HS6ST3: variants seen among roughly 807,000 people sequenced by gnomAD.
The protein encoded by HS6ST3 is heparan-sulfate 6-O-sulfotransferase 3.
HS6ST3 carries 12 observed loss-of-function variants against 36.7 expected under a neutral mutation model. The ratio of observed to expected loss-of-function variants is 0.33; its 90% CI spans 0.21 to 0.53. The LOEUF is 0.53. HS6ST3 is among the 20% of genes least tolerant of loss of function. The pLI is 0.95. For missense variants in HS6ST3, 584 were observed against 640.9 expected (o/e 0.91, Z 0.96); for synonymous variants, 240 against 257.5 (o/e 0.93, Z 0.65).
chr13:96,151,348 G>A (rs577129804), intron 1 of HS6ST3, among the ~76,000 whole-genome samples: 4 of 151,482 alleles, frequency 2.6e-5, no homozygotes, highest in Non-Finnish European at 4.4e-5. Context: ...AGGTTGCAGT[G>A]AGCTGAGATC....
At chr13:96,368,858 G>C (rs115841680) in intron 1 of HS6ST3, among the ~76,000 whole-genome samples, 1,972 of 152,178 alleles carry the variant, frequency 0.013, 54 homozygotes, top group African/African-American at 0.045. Context: ...GACACATGCC[G>C]ATGTTTATTA....
chr13:96,525,173 AG>A, intron 1 of HS6ST3, among the ~76,000 whole-genome samples: 1 of 152,344 alleles, frequency 6.6e-6, no homozygotes, highest in African/African-American at 2.4e-5. Flanking sequence ...GATAAGAAAT[AG>A]ACTGACACCT....
chr13:96,770,705 T>C (rs1252297355), intron 1 of HS6ST3, among the ~76,000 whole-genome samples: 2 of 152,226 alleles, frequency 1.3e-5, no homozygotes, highest in Non-Finnish European at 2.9e-5. Flanking sequence ...CAGAATTCAA[T>C]AGAAGCATTT....
At chr13:96,126,534 G>A (rs1019788387) in intron 1 of HS6ST3, among the ~76,000 whole-genome samples, 1 of 152,302 alleles carries the variant, frequency 6.6e-6, no homozygotes. Context: ...CAGAAAAGGG[G>A]CTGTCTGCAA....
At chr13:96,270,713 A>G (rs1267075850) in intron 1 of HS6ST3, among the ~76,000 whole-genome samples, 1 of 151,898 alleles carries the variant, frequency 6.6e-6, no homozygotes, top group African/African-American at 2.4e-5. Flanking sequence ...GAGAAAAGAA[A>G]TGCACATATA....
intron 1 of HS6ST3, among the ~76,000 whole-genome samples, chr13:96,111,113 G>A (rs1428363700): frequency 2.0e-5 from 3 of 152,170 alleles, no homozygotes; most frequent in Admixed American, 1.3e-4. Context: ...AGTTGACTGT[G>A]CAGGATCACT....
At chr13:96,577,185 G>A (rs773685056) in intron 1 of HS6ST3, among the ~76,000 whole-genome samples, 2 of 151,924 alleles carry the variant, frequency 1.3e-5, no homozygotes, top group Non-Finnish European at 2.9e-5. Flanking sequence ...CCCCTGACAG[G>A]CCCTGGTGTG....
At position 96,578,442 on chromosome 13, in the gene HS6ST3, C is replaced by T. The variant is rs117233120; in HGVS notation, c.708-254048C>T. ...CTTGACGAAGGCACTGATGAGGGTG[C>T]CCACTACCTGCAGTGTGAGTGGTGG... is the stretch of plus-strand genomic sequence containing the variant. On this transcript the variant is annotated intron_variant, in intron 1 of 1. Coordinates refer to ENST00000376705, the MANE Select transcript of HS6ST3 (RefSeq NM_153456.4). Among the ~76,000 whole-genome samples, 48 of 152,270 alleles carry T rather than the reference C, an allele frequency of 3.2e-4. No individual in the cohort carries two copies. In the East Asian group the frequency reaches 9.3e-3, roughly 29 times the overall value.
chr13:96,411,316 A>T (rs2055506329), intron 1 of HS6ST3, among the ~76,000 whole-genome samples: 1 of 152,188 alleles, frequency 6.6e-6, no homozygotes, highest in Non-Finnish European at 1.5e-5. Context: ...GCTGCAGAGG[A>T]GAGAGCATCA....
At position 96,603,177 on chromosome 13, in the gene HS6ST3, T is replaced by C. The variant is rs950781869; in HGVS notation, c.708-229313T>C. On this transcript the variant is annotated intron_variant, in intron 1 of 1. Transcript: ENST00000376705. ...TACCTGTGTAACAGCCACCTACCTA[T>C]ATTAGGAAAAAGAGCATGACCAGAC... 6.6e-5 allele frequency among the ~76,000 whole-genome samples: 10 copies of C among 152,288 alleles called. No homozygotes were observed. The South Asian group carries it at 2.1e-3, about 32-fold the overall frequency.
chr13:96,704,878 G>A (rs950304279), intron 1 of HS6ST3, among the ~76,000 whole-genome samples: 4 of 152,174 alleles, frequency 2.6e-5, no homozygotes, highest in Non-Finnish European at 5.9e-5. Flanking sequence ...GGATTCCATA[G>A]GGGTGCTATC....
At chr13:96,369,124 C>G (rs1296119334) in intron 1 of HS6ST3, among the ~76,000 whole-genome samples, 1 of 152,006 alleles carries the variant, frequency 6.6e-6, no homozygotes, top group African/African-American at 2.4e-5. Context: ...TACCGATAAT[C>G]TTGATGGCAT....
intron 1 of HS6ST3, among the ~76,000 whole-genome samples, chr13:96,761,742 G>C (rs1429952444): frequency 6.6e-6 from 1 of 152,004 alleles, no homozygotes; most frequent in Non-Finnish European, 1.5e-5. Context: ...GTATTATATT[G>C]TGAATGGAAC....
chr13:96,387,701 C>T (rs185220383), intron 1 of HS6ST3, among the ~76,000 whole-genome samples: 2 of 152,256 alleles, frequency 1.3e-5, no homozygotes, highest in Admixed American at 1.3e-4. Flanking sequence ...CCAATTACCC[C>T]AAGGCTGCAA....
At chr13:96,618,409 T>C (rs1242655726) in intron 1 of HS6ST3, among the ~76,000 whole-genome samples, 1 of 152,182 alleles carries the variant, frequency 6.6e-6, no homozygotes, top group Non-Finnish European at 1.5e-5. Flanking sequence ...GCTGGTTCTT[T>C]ATTTTCAGAG....
At chr13:96,520,073 A>C (rs1432854190) in intron 1 of HS6ST3, among the ~76,000 whole-genome samples, 1 of 152,182 alleles carries the variant, frequency 6.6e-6, no homozygotes, top group East Asian at 1.9e-4. Flanking sequence ...ATATTTTATC[A>C]CATGGTTAGC....
At chr13:96,180,239 C>T (rs556120705) in intron 1 of HS6ST3, among the ~76,000 whole-genome samples, 1 of 152,286 alleles carries the variant, frequency 6.6e-6, no homozygotes, top group Admixed American at 6.5e-5. Context: ...GTGCATTAGT[C>T]AGGGGCTCTA....
chr13:96,147,065 A>G lies in HS6ST3; in HGVS notation c.707+55496A>G, dbSNP rs139129550. Among the ~76,000 whole-genome samples, 744 of 152,360 alleles carry G rather than the reference A, an allele frequency of 4.9e-3. 10 individuals carry two copies. The highest frequency in any genetic ancestry group is 0.017 in the African/African-American group (702 of 41,580). On this transcript the variant is annotated intron_variant, in intron 1 of 1. Coordinates refer to ENST00000376705, the MANE Select transcript of HS6ST3 (RefSeq NM_153456.4). ...ATTAAGCATGGTTGAAGGACCTTTTAAAAGTCAAACTTTCATTTTCTCAAA... is the reference window on the plus strand; with the variant it reads ...ATTAAGCATGGTTGAAGGACCTTTTGAAAGTCAAACTTTCATTTTCTCAAA...
At position 96,648,495 on chromosome 13, in the gene HS6ST3, T is replaced by A. The variant is rs562714996; in HGVS notation, c.708-183995T>A. Among the ~76,000 whole-genome samples the A allele has an allele frequency of 9.9e-5, 15 of 151,936 alleles. No homozygotes were observed. In the East Asian group the frequency reaches 1.8e-3, roughly 18 times the overall value. The stretch of plus-strand genomic sequence containing the variant: ...CACTTTCCACTTTCTTTTTTTTTTT[T>A]TTATTTTATTTTAACTTCCAGGATA... On this transcript the variant is annotated intron_variant, in intron 1 of 1. Coordinates refer to ENST00000376705, the MANE Select transcript of HS6ST3 (RefSeq NM_153456.4).
Sources: gnomAD v4.1 joint callset for allele counts (sites outside exome capture counted in the v4.1 genomes callset) on GRCh38, gnomAD v4.1.1 for gene constraint, MANE v1.5 for transcripts, NCBI Gene and HGNC (gene_info 2026-07-23, HGNC 2026-07-21) for gene names.